NEK4: variants seen among roughly 807,000 people sequenced by gnomAD.
NEK4 encodes the protein NIMA related kinase 4, also known as serine/threonine-protein kinase Nek4.
Under a neutral mutation model 98.4 loss-of-function variants are expected in NEK4, and 86 were observed. The observed-to-expected ratio is 0.87, with a 90% CI of 0.73 to 1.05. The LOEUF (loss-of-function observed/expected upper bound fraction) is 1.05. Ranked by LOEUF, NEK4 falls within the 50% of genes least tolerant of loss-of-function variation. NEK4 has a pLI of 0.00. For synonymous variants in NEK4, 328 were observed against 342.2 expected, an observed-to-expected ratio of 0.96 and a Z score of 0.46; for missense variants, 898 against 950.3, an observed-to-expected ratio of 0.94 and a Z score of 0.72.
chr3:52,760,754 G>A (rs1409768493), intron 6 of NEK4, 41 bp downstream of exon 6: 4 of 1,470,430 alleles, frequency 2.7e-6, no homozygotes, highest in Non-Finnish European at 3.7e-6. Flanking sequence ...ATTTTTCTAA[G>A]TGCAGTTTCT....
intron 15 of NEK4, among the ~76,000 whole-genome samples, chr3:52,721,239 T>C (rs1458489724): frequency 6.6e-6 from 1 of 152,348 alleles, no homozygotes; most frequent in Non-Finnish European, 1.5e-5. Context: ...TGATAGCTGA[T>C]TGCTGCTTCT....
At chr3:52,718,119 C>A (rs890016575) in intron 15 of NEK4, among the ~76,000 whole-genome samples, 1 of 151,936 alleles carries the variant, frequency 6.6e-6, no homozygotes, top group African/African-American at 2.4e-5. Context: ...TTTTTAAATT[C>A]TTTGTTTTCT....
chr3:52,715,836 G>A (rs557349457), intron 15 of NEK4, among the ~76,000 whole-genome samples: 2 of 152,348 alleles, frequency 1.3e-5, no homozygotes, highest in African/African-American at 2.4e-5. Context: ...GCTGAAACAT[G>A]CCCCTTTCTC....
intron 15 of NEK4, among the ~76,000 whole-genome samples, chr3:52,727,250 AG>A (rs2097365441): frequency 6.6e-6 from 1 of 152,182 alleles, no homozygotes; most frequent in Non-Finnish European, 1.5e-5. Flanking sequence ...CTGGGATTAC[AG>A]GCGTGAGCCA....
chr3:52,757,555 C>CAA (rs541943769), intron 6 of NEK4, among the ~76,000 whole-genome samples: 7 of 72,136 alleles, frequency 9.7e-5, no homozygotes, highest in Non-Finnish European at 1.9e-4. Context: ...GACTCCGTCT[C>CAA]AAAAAAAAAA....
At chr3:52,743,483 G>A in intron 11 of NEK4, 22 bp from the exon 12 acceptor site, 16 of 1,589,108 alleles carry the variant, frequency 1.0e-5, no homozygotes, top group Non-Finnish European at 1.4e-5. Context: ...AACATCCCCA[G>A]TAGTTGTTTG....
chr3:52,729,925 C>T (rs559986849), intron 15 of NEK4, among the ~76,000 whole-genome samples: 5 of 151,642 alleles, frequency 3.3e-5, no homozygotes, highest in African/African-American at 7.3e-5. Context: ...CTGGCCAACA[C>T]GGTGAAACCC....
intron 7 of NEK4, 43 bp from the exon 8 acceptor site, chr3:52,749,872 T>C (rs906273159): frequency 3.2e-5 from 5 of 157,798 alleles, no homozygotes; most frequent in Non-Finnish European, 7.1e-5. Context: ...TTCAACATCA[T>C]TGGTCATTAG....
At chr3:52,761,650 T>TG (rs1698362428) in intron 5 of NEK4, among the ~76,000 whole-genome samples, 1 of 152,178 alleles carries the variant, frequency 6.6e-6, no homozygotes, top group Non-Finnish European at 1.5e-5. Context: ...GTATGTAATC[T>TG]GGTAATCACA....
rs1010333609 is a variant in NEK4, at chr3:52,770,551, C to T, written c.93+103G>A. On this transcript the variant is annotated intron_variant, in intron 1 of 15. Coordinates refer to ENST00000233027, the MANE Select transcript of NEK4 (RefSeq NM_003157.6). ...ACCATTTCCCTGAGGAAACGCCATC[C>T]GAGATGAGCCTCTTGCGACCACCCC... The T allele has an allele frequency of 7.1e-6, 6 of 842,762 alleles. No individual in the cohort carries two copies. In the Admixed American group the frequency reaches 8.3e-5, roughly 12 times the overall value. The allele number at this position is 842,762 out of a possible 1,614,324, so 52.2% of individuals were successfully genotyped here. A position where few individuals can be genotyped will look rare whatever the true frequency, so the allele number is the denominator to read the frequency against.
Position 52,711,825 on chromosome 3 carries a change from A to T in NEK4, c.2478T>A (p.Ser826Arg). Reference protein sequence around the residue: ...EHMGEKYTTYSVKARQLKFFE... With the variant: ...EHMGEKYTTYRVKARQLKFFE... ...AAAATTTCAACTGGCGAGCTTTCACACTGTAAGTTGTATACTTTTCACCCA... is the reference window on the plus strand; with the variant it reads ...AAAATTTCAACTGGCGAGCTTTCACTCTGTAAGTTGTATACTTTTCACCCA... Residue 826 changes from serine to arginine, a missense_variant, in exon 16 of 16, where the codon AGT becomes AGA. Physicochemically the swap from Ser to Arg is moderately radical, Grantham distance 110. Transcript: ENST00000233027. The T allele has an allele frequency of 6.2e-7, 1 of 1,611,352 alleles. No individual in the cohort carries two copies. Among genetic ancestry groups the T allele is most frequent in the South Asian group, 1.1e-5 (1 of 90,514 alleles).
At chr3:52,744,199 C>T (rs752448737) in intron 11 of NEK4, 40 bp downstream of exon 11, 3 of 1,461,116 alleles carry the variant, frequency 2.1e-6, no homozygotes, top group Non-Finnish European at 2.9e-6. Context: ...GAACCATACC[C>T]CTAACTGCCA....
chr3:52,731,866 C>G (rs11714030), intron 15 of NEK4, among the ~76,000 whole-genome samples: 9 of 151,962 alleles, frequency 5.9e-5, no homozygotes, highest in African/African-American at 2.2e-4. Context: ...AGGGACCCGG[C>G]GGGAGGTAAG....
At chr3:52,716,154 T>C (rs1343158085) in intron 15 of NEK4, among the ~76,000 whole-genome samples, 1 of 152,216 alleles carries the variant, frequency 6.6e-6, no homozygotes, top group Non-Finnish European at 1.5e-5. Context: ...CGCCGCTCCA[T>C]GCCTGACTCT....
chr3:52,730,772 T>A (rs2097368858), intron 15 of NEK4, among the ~76,000 whole-genome samples: 1 of 152,204 alleles, frequency 6.6e-6, no homozygotes, highest in African/African-American at 2.4e-5. Flanking sequence ...AGCATGGAGC[T>A]TTCTTTGTGG....
chr3:52,753,160 T>C (rs1016680585), intron 6 of NEK4, among the ~76,000 whole-genome samples: 1 of 151,692 alleles, frequency 6.6e-6, no homozygotes, highest in African/African-American at 2.4e-5. Context: ...AAAAATTAGC[T>C]GGGCATGGTG....
intron 15 of NEK4, among the ~76,000 whole-genome samples, chr3:52,722,600 A>C (rs903858014): frequency 1.3e-5 from 2 of 152,232 alleles, no homozygotes; most frequent in Non-Finnish European, 2.9e-5. Flanking sequence ...ATCAGATGGC[A>C]GACTTATTAG....
At chr3:52,751,881 A>G (rs748718149) in intron 7 of NEK4, 51 bp downstream of exon 7, 43 of 1,516,640 alleles carry the variant, frequency 2.8e-5, no homozygotes, top group Non-Finnish European at 3.7e-5. Flanking sequence ...TTGTAACTGC[A>G]CTTTCAGTCT....
chr3:52,737,659 A>C lies in NEK4; in HGVS notation c.2360T>G (p.Ile787Ser). 8.7e-6 allele frequency: 14 copies of C among 1,613,998 alleles called. No individual in the cohort carries two copies. The highest frequency in any genetic ancestry group is 1.2e-5 in the Non-Finnish European group (14 of 1,179,882). ...RLVEVLRTDV[I>S]RGLGVQLLEQ... ...TAAAAGCTGAACTCCCAGGCCACGAATTACATCAGTTCTCAAGACTTCAAC... is the reference window on the plus strand; with the variant it reads ...TAAAAGCTGAACTCCCAGGCCACGACTTACATCAGTTCTCAAGACTTCAAC... Residue 787 changes from isoleucine to serine, a missense_variant, in exon 15 of 16, where the codon ATT (isoleucine) becomes AGT (serine). Transcript: ENST00000233027.
Sources: allele counts gnomAD v4.1 joint callset (sites outside exome capture counted in the v4.1 genomes callset), GRCh38; gene constraint gnomAD v4.1.1; transcripts MANE v1.5; gene names NCBI Gene and HGNC (gene_info 2026-07-23, HGNC 2026-07-21).